QPRT: variants seen among roughly 807,000 people sequenced by gnomAD.
QPRT encodes the protein nicotinate-nucleotide pyrophosphorylase [carboxylating].
A neutral mutation model predicts 19.8 loss-of-function variants in QPRT; 17 were observed. The ratio of observed to expected loss-of-function variants is 0.86; its 90% CI spans 0.59 to 1.29. The LOEUF (loss-of-function observed/expected upper bound fraction) is 1.29. QPRT is among the 50% of genes most tolerant of loss of function. QPRT has a pLI of 0.00. For missense variants in QPRT, 336 were observed against 405.1 expected (o/e 0.83, Z 1.46); for synonymous variants, 178 against 191.0 (o/e 0.93, Z 0.56).
intron 1 of QPRT, among the ~76,000 whole-genome samples, chr16:29,689,329 A>C (rs1967256541): frequency 1.3e-5 from 2 of 151,974 alleles, no homozygotes; most frequent in African/African-American, 4.8e-5. Context: ...TCCTGACCTC[A>C]GGTGATCAAC....
intron 1 of QPRT, among the ~76,000 whole-genome samples, chr16:29,687,877 G>A (rs946770843): frequency 2.0e-5 from 3 of 151,830 alleles, no homozygotes; most frequent in Non-Finnish European, 2.9e-5. Flanking sequence ...AGCTACTCAG[G>A]AGGCTGAGGT....
At chr16:29,692,013 T>C (rs9940962) in intron 1 of QPRT, among the ~76,000 whole-genome samples, 21,319 of 152,216 alleles carry the variant, frequency 0.14, 1,809 homozygotes, top group Middle Eastern at 0.19. Flanking sequence ...GTGCGCGTGC[T>C]TGTGCGTGTG....
At chr16:29,689,335 TC>T (rs1967256854) in intron 1 of QPRT, among the ~76,000 whole-genome samples, 1 of 152,034 alleles carries the variant, frequency 6.6e-6, no homozygotes, top group South Asian at 2.1e-4. Context: ...CCTCAGGTGA[TC>T]AACCCACCTT....
rs949763007 is a variant in QPRT, at chr16:29,692,785, C to G, written c.14-1879C>G. On this transcript the variant is annotated intron_variant, in intron 1 of 3. Coordinates refer to ENST00000395384, the MANE Select transcript of QPRT (RefSeq NM_014298.6). Reference sequence around the variant, plus strand: ...AATAAATAAATAAATCAGGTTAGGCCGGGCGCAGTGGCTCACGCCTGTAAT... The same window carrying G: ...AATAAATAAATAAATCAGGTTAGGCGGGGCGCAGTGGCTCACGCCTGTAAT... 4.6e-5 allele frequency among the ~76,000 whole-genome samples: 7 copies of G among 152,104 alleles called. No individual in the cohort carries two copies. The East Asian group carries it at 7.7e-4, about 17-fold the overall frequency.
chr16:29,685,707 A>G (rs1310468377), intron 1 of QPRT, among the ~76,000 whole-genome samples: 1 of 151,886 alleles, frequency 6.6e-6, no homozygotes, highest in Non-Finnish European at 1.5e-5. Flanking sequence ...CTCTTTTAAA[A>G]TTCTGTGATG....
intron 1 of QPRT, among the ~76,000 whole-genome samples, chr16:29,687,706 C>T (rs1293413294): frequency 2.6e-5 from 4 of 151,792 alleles, no homozygotes; most frequent in Admixed American, 2.6e-4. Flanking sequence ...TGCCAAAGCT[C>T]GGGGGTCCAT....
chr16:29,683,357 CT>C lies in QPRT; in HGVS notation c.13+4159del, dbSNP rs909423183. On this transcript the variant is annotated intron_variant, in intron 1 of 3. Transcript: ENST00000395384. Reference sequence around the variant, plus strand: ...ATGTGGTCTTATGAGAGCATTGGTTCTTTTTTTTTTTTCCCTGAGGCAGGGT... The same window carrying C: ...ATGTGGTCTTATGAGAGCATTGGTTCTTTTTTTTTTTCCCTGAGGCAGGGT... Among the ~76,000 whole-genome samples, 176 of 143,448 alleles carry C rather than the reference CT, an allele frequency of 1.2e-3. 1 individual carries two copies. The highest frequency in any genetic ancestry group is 1.6e-3 in the South Asian group (7 of 4,498). 94.1% of individuals were successfully genotyped at this position (143,448 alleles called of 152,430 possible).
intron 1 of QPRT, among the ~76,000 whole-genome samples, chr16:29,693,870 G>A (rs1189103054): frequency 2.6e-5 from 4 of 152,108 alleles, no homozygotes; most frequent in Non-Finnish European, 4.4e-5. Flanking sequence ...GATTACAGGC[G>A]TGAGCCACCG....
chr16:29,686,645 G>A (rs1004286833), intron 1 of QPRT, among the ~76,000 whole-genome samples: 4 of 152,040 alleles, frequency 2.6e-5, no homozygotes, highest in Admixed American at 1.3e-4. Context: ...ACAGGCGCTC[G>A]GCTTTTTATT....
At chr16:29,684,649 G>A (rs914295588) in intron 1 of QPRT, among the ~76,000 whole-genome samples, 3 of 151,988 alleles carry the variant, frequency 2.0e-5, no homozygotes, top group Admixed American at 1.3e-4. Flanking sequence ...GCCTGGCCAC[G>A]GCAGCATCTC....
chr16:29,683,000 G>C (rs2142296507), intron 1 of QPRT, among the ~76,000 whole-genome samples: 1 of 151,684 alleles, frequency 6.6e-6, no homozygotes, highest in Middle Eastern at 3.4e-3. Flanking sequence ...TGGGATTACA[G>C]GTATGAGCCA....
At chr16:29,694,401 G>A (rs1215464468) in intron 1 of QPRT, among the ~76,000 whole-genome samples, 1 of 152,072 alleles carries the variant, frequency 6.6e-6, no homozygotes, top group Non-Finnish European at 1.5e-5. Flanking sequence ...TTACAGGCGT[G>A]AGCCACCGCG....
chr16:29,691,364 C>CAAAAAAAAA (rs537664108), intron 1 of QPRT, among the ~76,000 whole-genome samples: 2 of 51,882 alleles, frequency 3.9e-5, no homozygotes, highest in African/African-American at 2.2e-4. Flanking sequence ...AGCTCTGCAT[C>CAAAAAAAAA]AAAAAAAAAA....
chr16:29,693,186 G>A (rs1448119986), intron 1 of QPRT, among the ~76,000 whole-genome samples: 6 of 152,120 alleles, frequency 3.9e-5, no homozygotes, highest in Non-Finnish European at 8.8e-5. Context: ...ATTATTGACT[G>A]TAGTCACCCT....
chr16:29,686,176 A>G (rs1181837831), intron 1 of QPRT, among the ~76,000 whole-genome samples: 3 of 152,144 alleles, frequency 2.0e-5, no homozygotes, highest in Admixed American at 1.3e-4. Context: ...ATGAAATTTT[A>G]TGATGGCTTC....
At chr16:29,694,643 G>A in intron 1 of QPRT, 21 bp from the exon 2 acceptor site, 1 of 1,516,042 alleles carries the variant, frequency 6.6e-7, no homozygotes, top group Non-Finnish European at 8.8e-7. Context: ...AAACTCAACA[G>A]CTGTTCTCTC....
At chr16:29,696,023 A>ACCACAG (rs1337131000) in intron 2 of QPRT, 1 of 152,222 alleles carries the variant, frequency 6.6e-6, no homozygotes, top group African/African-American at 2.4e-5. Flanking sequence ...TGTCACTGGC[A>ACCACAG]CCACAGCCTT....
intron 1 of QPRT, among the ~76,000 whole-genome samples, chr16:29,683,564 G>C (rs529899206): frequency 5.3e-5 from 8 of 152,094 alleles, no homozygotes; most frequent in Admixed American, 4.6e-4. Flanking sequence ...TCACTATGCT[G>C]CCCAGGCTGG....
intron 1 of QPRT, among the ~76,000 whole-genome samples, chr16:29,690,442 C>T (rs1361005726): frequency 1.3e-5 from 2 of 151,942 alleles, no homozygotes; most frequent in Non-Finnish European, 1.5e-5. Flanking sequence ...CTGCACTGTC[C>T]TCCACGATGG....
Sources: allele counts gnomAD v4.1 joint callset (sites outside exome capture counted in the v4.1 genomes callset), GRCh38; gene constraint gnomAD v4.1.1; transcripts MANE v1.5; gene names NCBI Gene and HGNC (gene_info 2026-07-23, HGNC 2026-07-21).